The following FRMPD3 variants were observed in gnomAD, a reference collection of about 807,000 sequenced individuals.
FRMPD3 encodes FERM and PDZ domain-containing protein 3.
In FRMPD3, 42 loss-of-function variants were observed where a neutral mutation model predicts 97.9. The ratio of observed to expected loss-of-function variants is 0.43; its 90% CI spans 0.34 to 0.55. The LOEUF is 0.55. Among genes scored for constraint, FRMPD3 ranks in the 20% least tolerant of loss-of-function variants. The pLI is 0.03. For missense variants in FRMPD3, 1,303 were observed against 1,457.7 expected (o/e 0.89, Z 1.73); for synonymous variants, 577 against 581.1 (o/e 0.99, Z 0.10).
At chrX:107,571,620 T>C (rs1206052280) in intron 12 of FRMPD3, among the ~76,000 whole-genome samples, 1 of 111,579 alleles carries the variant, frequency 9.0e-6, no homozygotes, top group Non-Finnish European at 1.9e-5. Flanking sequence ...GAAACTGAAG[T>C]GGTCAGACAA....
At chrX:107,599,558 C>T (rs992558780) in intron 14 of FRMPD3, among the ~76,000 whole-genome samples, 2 of 111,909 alleles carry the variant, frequency 1.8e-5, no homozygotes, top group African/African-American at 3.2e-5. Context: ...TGACTGTAGG[C>T]GGGCCTGGCC....
intron 2 of FRMPD3, among the ~76,000 whole-genome samples, chrX:107,526,985 T>C (rs911590374): frequency 3.6e-5 from 4 of 111,610 alleles, no homozygotes; most frequent in African/African-American, 1.3e-4. Context: ...GTCTGGGTCT[T>C]AATAAAGCTT....
chrX:107,460,968 A>G (rs1389516243), intron 1 of FRMPD3, among the ~76,000 whole-genome samples: 1 of 111,906 alleles, frequency 8.9e-6, no homozygotes, highest in Non-Finnish European at 1.9e-5. Flanking sequence ...ACAGAGGAAA[A>G]AGAGGGGGTT....
At chrX:107,524,268 C>T (rs1268486317) in intron 1 of FRMPD3, among the ~76,000 whole-genome samples, 6 of 112,913 alleles carry the variant, frequency 5.3e-5, no homozygotes, top group Non-Finnish European at 1.1e-4. Flanking sequence ...TGGCCACCCT[C>T]AGAGGGTCCC....
intron 1 of FRMPD3, among the ~76,000 whole-genome samples, chrX:107,524,995 C>CAAAAA (rs750900204): frequency 7.3e-5 from 1 of 13,731 alleles, no homozygotes; most frequent in African/African-American, 1.5e-4. Context: ...GACTCCATCT[C>CAAAAA]AAAAAAAAAA....
chrX:107,595,316 CAAA>C (rs372328331), intron 13 of FRMPD3, among the ~76,000 whole-genome samples: 1 of 94,534 alleles, frequency 1.1e-5, no homozygotes. Context: ...GACCCTGTAT[CAAA>C]AAAAAAAAAA....
chrX:107,563,173 G>A lies in FRMPD3; in HGVS notation c.1089G>A (p.Thr363=), dbSNP rs137932679. 478 of 1,207,996 alleles carry A rather than the reference G, an allele frequency of 4.0e-4. No homozygotes were observed. The East Asian group carries it at 0.013, about 33-fold the overall frequency. ...LRILNELPTF[T]GVLFNTVGLD... is the part of the protein sequence containing the mutation. ...TTCTGAATGAACTTCCTACCTTCAC[G>A]GGCGTTTTGTTCAACACTGTAGGCC... The change falls in exon 11 of 15, where the codon ACG becomes ACA. Residue 363 remains threonine (T), a synonymous_variant. Transcript: ENST00000683843.
intron 7 of FRMPD3, among the ~76,000 whole-genome samples, chrX:107,554,096 CT>C (rs1921978049): frequency 9.0e-6 from 1 of 111,720 alleles, no homozygotes; most frequent in Non-Finnish European, 1.9e-5. Flanking sequence ...GGAGCCCTCC[CT>C]TCCTGCCTAG....
In FRMPD3 at chrX:107,602,698, C is replaced by T. The variant is rs1162580083; in HGVS notation, c.4659C>T (p.Ser1553=). The change falls in exon 15 of 15, where the codon AGC becomes AGT. Residue 1553 remains serine (S), a synonymous_variant. Coordinates refer to ENST00000683843, the MANE Select transcript of FRMPD3 (RefSeq NM_001388459.1). ...TGGATGCTGCTACCTGCAGCAGCAG[C>T]AGCCCTGAGGCCTCCCGCACTCAGG... ...QVLDAATCSS[S]SPEASRTQEI... 4.1e-6 allele frequency: 5 copies of T among 1,208,247 alleles called. No homozygotes were observed. Among genetic ancestry groups the T allele is most frequent in the African/African-American group, 3.5e-5 (2 of 57,586 alleles).
rs896807549 is a variant in FRMPD3, at chrX:107,603,932, C to G, written c.*559C>G. The G allele has an allele frequency of 8.9e-6, 1 of 112,375 alleles. No homozygotes were observed. Among genetic ancestry groups the G allele is most frequent in the Non-Finnish European group, 1.9e-5 (1 of 53,640 alleles). The allele number at this position is 112,375 out of a possible 1,213,427, so 9.3% of individuals were successfully genotyped here. On this transcript the variant is annotated 3_prime_UTR_variant, in exon 15 of 15. Transcript: ENST00000683843. ...GCCTGGGTGAGATGTCTGCAGAAAA[C>G]AGCCACACTAGGCTGTTTGCAGCGG...
intron 1 of FRMPD3, among the ~76,000 whole-genome samples, chrX:107,473,273 G>A (rs1356093694): frequency 8.9e-6 from 1 of 111,967 alleles, no homozygotes; most frequent in East Asian, 2.8e-4. Flanking sequence ...ACCTCTATGT[G>A]AGAGATATGA....
chrX:107,567,173 T>G (rs1602828015), intron 12 of FRMPD3, among the ~76,000 whole-genome samples: 1 of 111,297 alleles, frequency 9.0e-6, no homozygotes, highest in East Asian at 2.8e-4. Context: ...ATTTTAGAGA[T>G]GGGGGTCTTG....
chrX:107,543,882 G>A (rs1192510124), intron 4 of FRMPD3, among the ~76,000 whole-genome samples: 1 of 110,194 alleles, frequency 9.1e-6, no homozygotes, highest in African/African-American at 3.3e-5. Context: ...TATATCCAAG[G>A]GAATTGAAAT....
chrX:107,534,846 G>A (rs929122327), intron 4 of FRMPD3, among the ~76,000 whole-genome samples: 1 of 111,726 alleles, frequency 9.0e-6, no homozygotes, highest in East Asian at 2.8e-4. Context: ...ACATATACAC[G>A]CACTCATGTG....
At chrX:107,512,490 C>T (rs1158514318) in intron 1 of FRMPD3, among the ~76,000 whole-genome samples, 1 of 111,840 alleles carries the variant, frequency 8.9e-6, no homozygotes. Context: ...CAAGGCCCTC[C>T]TCTTGTCTCA....
chrX:107,498,014 C>G (rs1238269242), intron 1 of FRMPD3, among the ~76,000 whole-genome samples: 2 of 111,776 alleles, frequency 1.8e-5, no homozygotes, highest in Non-Finnish European at 3.8e-5. Context: ...CCTAGCATAC[C>G]CTGGGTCCTT....
At chrX:107,594,436 C>T (rs1035472781) in intron 13 of FRMPD3, among the ~76,000 whole-genome samples, 1 of 111,998 alleles carries the variant, frequency 8.9e-6, no homozygotes, top group Non-Finnish European at 1.9e-5. Flanking sequence ...CACCCTATTG[C>T]GTTATCAAAT....
rs754373910 is a variant in FRMPD3 at position 107,597,613 on chromosome X, T to A, written c.1734T>A (p.Asp578Glu). 1.7e-6 allele frequency: 2 copies of A among 1,209,001 alleles called. No individual in the cohort carries two copies. Among genetic ancestry groups the A allele is most frequent in the African/African-American group, 3.5e-5 (2 of 57,182 alleles). ...GCCAAGGTTATGAGGTAGTCCCTGA[T>A]GACTTTGATGCAGCTAGCCTAGACC... is the stretch of plus-strand genomic sequence containing the variant. ...SSGQGYEVVP[D>E]DFDAASLDHE... The change falls in exon 14 of 15, where the codon GAT becomes GAA. Residue 578 changes from aspartate to glutamate, a missense_variant. Transcript: ENST00000683843.
In FRMPD3 at chrX:107,491,296, A is replaced by G. The variant is rs745667624; in HGVS notation, c.-7-35286A>G. ...ACTGTACTAAAATGCTTTTAATAAT[A>G]ATAAATAGTATTAATAGCCATTAGT... On this transcript the variant is annotated intron_variant, in intron 1 of 14. Transcript: ENST00000683843. Among the ~76,000 whole-genome samples, 5 of 112,541 alleles carry G rather than the reference A, an allele frequency of 4.4e-5. No homozygotes were observed. In the East Asian group the frequency reaches 1.4e-3, roughly 31 times the overall value.
Sources: allele counts gnomAD v4.1 joint callset (sites outside exome capture counted in the v4.1 genomes callset), GRCh38; gene constraint gnomAD v4.1.1; transcripts MANE v1.5; gene names NCBI Gene and HGNC (gene_info 2026-07-23, HGNC 2026-07-21).